The following ACACA variants were observed in gnomAD, a reference collection of about 807,000 sequenced individuals.
ACACA encodes the protein acetyl-CoA carboxylase alpha.
ACACA carries 103 observed loss-of-function variants against 296.1 expected under a neutral mutation model. That is an observed-to-expected ratio of 0.35 (90% confidence interval 0.30 to 0.41). ACACA has a LOEUF of 0.41. Ranked by LOEUF, ACACA falls within the 10% of genes least tolerant of loss-of-function variation. The probability of loss-of-function intolerance (pLI) is 1.00; values close to 1 mark genes in which losing one functional copy is unlikely to be tolerated. For missense variants in ACACA, 1,554 were observed against 2,989.7 expected, an observed-to-expected ratio of 0.52 and a Z score of 11.20; for synonymous variants, 953 against 1,038.6, an observed-to-expected ratio of 0.92 and a Z score of 1.58.
At chr17:37,206,189 G>C (rs1457894099) in intron 32 of ACACA, among the ~76,000 whole-genome samples, 1 of 152,140 alleles carries the variant, frequency 6.6e-6, no homozygotes, top group African/African-American at 2.4e-5. Context: ...GAAACTATTT[G>C]CCACATCTCT....
At position 37,390,330 on chromosome 17, in the gene ACACA, A is replaced by ATCTATATCTATATC. The variant is rs1555672372; in HGVS notation, c.38+15931_38+15932insGATATAGATATAGA. On this transcript the variant is annotated intron_variant, in intron 1 of 55. Coordinates refer to ENST00000616317, the MANE Select transcript of ACACA (RefSeq NM_198834.3). ...TATATATATATATATATATATATATATATAAAAGGCCAGCTGGGCCGGGCA... is the reference window on the plus strand; with the variant it reads ...TATATATATATATATATATATATATATCTATATCTATATCTATAAAAGGCCAGCTGGGCCGGGCA... Among the ~76,000 whole-genome samples, 16 of 41,582 alleles carry ATCTATATCTATATC rather than the reference A, an allele frequency of 3.8e-4. 2 individuals are homozygous for ATCTATATCTATATC. The highest frequency in any genetic ancestry group is 1.9e-3 in the African/African-American group (15 of 7,842). The allele number at this position is 41,582 out of a possible 152,430, so 27.3% of individuals were successfully genotyped here.
chr17:37,241,200 A>AAAAAT (rs374654470), intron 23 of ACACA, among the ~76,000 whole-genome samples: 2 of 151,262 alleles, frequency 1.3e-5, no homozygotes, highest in Non-Finnish European at 2.9e-5. Flanking sequence ...GTCTCCAAAA[A>AAAAAT]AAATAAATAA....
At chr17:37,168,180 A>T (rs1202370130) in intron 41 of ACACA, among the ~76,000 whole-genome samples, 1 of 152,188 alleles carries the variant, frequency 6.6e-6, no homozygotes, top group African/African-American at 2.4e-5. Flanking sequence ...AGTTTGTTGT[A>T]AGGATTAAAT....
chr17:37,252,891 C>T lies in ACACA; in HGVS notation c.1972G>A (p.Val658Ile). The change falls in exon 15 of 56, where the codon GTA becomes ATA. Residue 658 changes from valine (V) to isoleucine (I), a missense_variant. Val to Ile is a conservative substitution (Grantham distance 29, BLOSUM62 3). Around this residue, in one of 16 missense-constraint regions of ACACA, gnomAD observed 316 missense variants for 540.9 expected, o/e 0.58. Coordinates refer to ENST00000616317, the MANE Select transcript of ACACA (RefSeq NM_198834.3). ...GWLDRLIAEK[V>I]QAERPDTMLG... Reference sequence around the variant, plus strand: ...GTTTGTGGAGAAATACACACCTGTACTTTTTCTGCTATCAGTCTGTCCAGC... The same window carrying T: ...GTTTGTGGAGAAATACACACCTGTATTTTTTCTGCTATCAGTCTGTCCAGC... 6.2e-7 allele frequency: 1 copy of T among 1,614,154 alleles called. No homozygotes were observed. Among genetic ancestry groups the T allele is most frequent in the South Asian group, 1.1e-5 (1 of 91,084 alleles).
intron 45 of ACACA, among the ~76,000 whole-genome samples, chr17:37,133,310 T>TG (rs2075188013): frequency 6.6e-6 from 1 of 152,156 alleles, no homozygotes; most frequent in Admixed American, 6.5e-5. Flanking sequence ...AATGACCACA[T>TG]GTTTGGAGTA....
chr17:37,246,381 G>T (rs2080700101), intron 19 of ACACA, among the ~76,000 whole-genome samples: 1 of 151,932 alleles, frequency 6.6e-6, no homozygotes, highest in African/African-American at 2.4e-5. Flanking sequence ...TAAGCCAACT[G>T]ATGTTTCTTT....
Position 37,228,871 on chromosome 17 carries a change from C to T in ACACA, c.3247-2419G>A, listed in dbSNP as rs541183586. Among the ~76,000 whole-genome samples the T allele has an allele frequency of 1.4e-4, 22 of 152,190 alleles. No homozygotes were observed. The East Asian group carries it at 4.1e-3, about 28-fold the overall frequency. On this transcript the variant is annotated intron_variant, in intron 25 of 55. Coordinates refer to ENST00000616317, the MANE Select transcript of ACACA (RefSeq NM_198834.3). ...AAAATAAGAGCACTAGGGCCAGGCG[C>T]GGTGGCTCACGCCTGTAATCCCAGC...
At chr17:37,114,193 T>C (rs1031370482) in intron 50 of ACACA, among the ~76,000 whole-genome samples, 1 of 151,068 alleles carries the variant, frequency 6.6e-6, no homozygotes, top group Non-Finnish European at 1.5e-5. Flanking sequence ...AAAAACAACA[T>C]AAAACAAAAT....
Position 37,100,107 on chromosome 17 carries a change from G to T in ACACA, c.6566-2123C>A, listed in dbSNP as rs79556427. ...AAAGGGAACACTCTCTCTTCCAGCA[G>T]AAGAACAATAAGTGTAGCGGAAATG... On this transcript the variant is annotated intron_variant, in intron 52 of 55. Coordinates refer to ENST00000616317, the MANE Select transcript of ACACA (RefSeq NM_198834.3). Among the ~76,000 whole-genome samples the T allele has an allele frequency of 6.6e-5, 10 of 152,298 alleles. No homozygotes were observed. In the East Asian group the frequency reaches 1.9e-3, roughly 29 times the overall value.
chr17:37,161,985 A>C lies in ACACA; in HGVS notation c.5145T>G (p.Ile1715Met), dbSNP rs774353174. Residue 1715 changes from isoleucine (I) to methionine (M), a missense_variant, in exon 42 of 56, where the codon ATT becomes ATG. Physicochemically the swap from Ile to Met is conservative, Grantham distance 10 (BLOSUM62 1). This residue lies in a region of ACACA where 553 missense variants were observed against 1,043.6 expected (regional missense o/e 0.53). Transcript: ENST00000616317. ...SPEYPEGRDI[I>M]VIGNDITYRI... ...GGTATGTGATGTCATTGCCAATAAC[A>C]ATGATATCTCGGCCTTCTGGATATT... 2 of 1,614,188 alleles carry C rather than the reference A, an allele frequency of 1.2e-6. No individual in the cohort carries two copies. Among genetic ancestry groups the C allele is most frequent in the South Asian group, 2.2e-5 (2 of 91,086 alleles).
intron 3 of ACACA, among the ~76,000 whole-genome samples, chr17:37,329,448 T>C (rs932166314): frequency 2.0e-5 from 3 of 152,092 alleles, no homozygotes; most frequent in African/African-American, 7.2e-5. Context: ...GAGACCAGCC[T>C]GGCCAACATG....
intron 54 of ACACA, among the ~76,000 whole-genome samples, chr17:37,091,786 G>A (rs1307148435): frequency 6.6e-6 from 1 of 151,814 alleles, no homozygotes; most frequent in Non-Finnish European, 1.5e-5. Context: ...ATGTTGCCCA[G>A]GCTGGTCTTG....
At chr17:37,208,837 A>G (rs185931692) in intron 30 of ACACA, among the ~76,000 whole-genome samples, 1 of 152,208 alleles carries the variant, frequency 6.6e-6, no homozygotes, top group Non-Finnish European at 1.5e-5. Flanking sequence ...ACTGATCTGA[A>G]GCAAGTTCAG....
At chr17:37,309,555 CTAAAGGA>C (rs2084037260) in intron 3 of ACACA, among the ~76,000 whole-genome samples, 1 of 152,012 alleles carries the variant, frequency 6.6e-6, no homozygotes, top group African/African-American at 2.4e-5. Flanking sequence ...GATCTGAAAC[CTAAAGGA>C]TAAAGACCTC....
intron 8 of ACACA, among the ~76,000 whole-genome samples, chr17:37,275,520 A>G (rs1598380761): frequency 6.6e-6 from 1 of 151,806 alleles, no homozygotes; most frequent in East Asian, 1.9e-4. Flanking sequence ...AAAAGAAAAA[A>G]AAAGAAAAAA....
chr17:37,115,788 G>A (rs2074218683), intron 50 of ACACA, among the ~76,000 whole-genome samples: 1 of 152,032 alleles, frequency 6.6e-6, no homozygotes, highest in Admixed American at 6.6e-5. Context: ...TCATCATCAT[G>A]GCTAGCTTAT....
At chr17:37,306,977 C>A (rs1427904823) in intron 3 of ACACA, among the ~76,000 whole-genome samples, 2 of 152,034 alleles carry the variant, frequency 1.3e-5, no homozygotes, top group Admixed American at 1.3e-4. Flanking sequence ...GGATTACAGG[C>A]GTGAGCCACC....
intron 45 of ACACA, among the ~76,000 whole-genome samples, chr17:37,146,230 CATCATGTGT>C (rs1206632708): frequency 6.6e-6 from 1 of 152,136 alleles, no homozygotes; most frequent in Non-Finnish European, 1.5e-5. Flanking sequence ...TGACAGGCAA[CATCATGTGT>C]ATGCCAAGAT....
At position 37,113,046 on chromosome 17, in the gene ACACA, G is replaced by GA. The variant is rs1253180027; in HGVS notation, c.6452+41_6452+42insT. On this transcript the variant is annotated intron_variant, in intron 51 of 55. Coordinates refer to ENST00000616317, the MANE Select transcript of ACACA (RefSeq NM_198834.3). The surrounding 1 kb of genome is among the most constrained non-coding windows in gnomAD (Gnocchi z 4.0). ...TCCAGGAGGAAACCAACAGCTACAG[G>GA]GTCCCTAAAGGCAGTGAATGGAAAT... 6.2e-7 allele frequency: 1 copy of GA among 1,611,256 alleles called. No individual in the cohort carries two copies. Among genetic ancestry groups the GA allele is most frequent in the Non-Finnish European group, 8.5e-7 (1 of 1,178,312 alleles).
Sources: allele counts gnomAD v4.1 joint callset (sites outside exome capture counted in the v4.1 genomes callset), GRCh38; gene constraint gnomAD v4.1.1; regional missense constraint gnomAD v4.1.1; non-coding constraint Gnocchi (gnomAD v3.1); transcripts MANE v1.5; gene names NCBI Gene and HGNC (gene_info 2026-07-23, HGNC 2026-07-21).